ASXL1: variants seen among roughly 807,000 people sequenced by gnomAD.
The protein encoded by ASXL1 is polycomb group protein ASXL1.
Under a neutral mutation model 89.1 loss-of-function variants are expected in ASXL1, and 65 were observed. The observed-to-expected ratio is 0.73, with a 90% CI of 0.60 to 0.90. The LOEUF (loss-of-function observed/expected upper bound fraction) is 0.90, where lower values mean the gene tolerates loss of function less well. Among genes scored for constraint, ASXL1 ranks in the 40% least tolerant of loss-of-function variants. ASXL1 has a pLI of 0.00. For missense variants in ASXL1, 1,786 were observed against 1,942.9 expected, an observed-to-expected ratio of 0.92 and a Z score of 1.52; for synonymous variants, 739 against 746.9, an observed-to-expected ratio of 0.99 and a Z score of 0.17.
chr20:32,382,218 A>C (rs1600498164), intron 4 of ASXL1, among the ~76,000 whole-genome samples: 1 of 151,362 alleles, frequency 6.6e-6, no homozygotes, highest in South Asian at 2.1e-4. Flanking sequence ...CAGGTGATCC[A>C]CCCGCCTTGA....
At chr20:32,422,298 A>C (rs1235957520) in intron 4 of ASXL1, among the ~76,000 whole-genome samples, 1 of 151,266 alleles carries the variant, frequency 6.6e-6, no homozygotes, top group East Asian at 1.9e-4. Flanking sequence ...GGTACACCTA[A>C]GATCTGTGCA....
At chr20:32,384,833 C>CT (rs1181613857) in intron 4 of ASXL1, among the ~76,000 whole-genome samples, 5 of 152,008 alleles carry the variant, frequency 3.3e-5, no homozygotes, top group Admixed American at 3.3e-4. Context: ...AGGATGCTTA[C>CT]TTCAGAGGTG....
chr20:32,383,918 GGCATCTTTCCTCCATCCCAGA>G (rs1229344179), intron 4 of ASXL1, among the ~76,000 whole-genome samples: 1 of 152,116 alleles, frequency 6.6e-6, no homozygotes, highest in Non-Finnish European at 1.5e-5. Flanking sequence ...GATCTCCTAA[GGCATCTTTCCTCCATCCCAGA>G]GCTCTGTTGA....
chr20:32,379,360 T>TTTA (rs761874161), intron 4 of ASXL1, among the ~76,000 whole-genome samples: 42 of 63,936 alleles, frequency 6.6e-4, no homozygotes, highest in Middle Eastern at 6.3e-3. Context: ...AATTTATTTA[T>TTTA]TTATTATTAT....
intron 4 of ASXL1, among the ~76,000 whole-genome samples, chr20:32,376,493 C>A (rs2048380347): frequency 6.6e-6 from 1 of 151,846 alleles, no homozygotes; most frequent in Non-Finnish European, 1.5e-5. Flanking sequence ...CCAGGCTGGT[C>A]TTGAACTCCT....
At chr20:32,426,558 T>TTC (rs2011306664) in intron 4 of ASXL1, among the ~76,000 whole-genome samples, 1 of 81,466 alleles carries the variant, frequency 1.2e-5, no homozygotes, top group African/African-American at 4.5e-5. Context: ...TTCTTTCTTT[T>TTC]TTTTTTTTTT....
At position 32,434,561 on chromosome 20, in the gene ASXL1, A is replaced by G. The variant is rs1285568939; in HGVS notation, c.1849A>G (p.Ile617Val). 3 of 1,613,490 alleles carry G rather than the reference A, an allele frequency of 1.9e-6. No homozygotes were observed. The highest frequency in any genetic ancestry group is 1.3e-5 in the African/African-American group (1 of 74,910). Residue 617 changes from isoleucine (I) to valine (V), a missense_variant, in exon 13 of 13, where the codon ATT becomes GTT. Ile to Val is a conservative substitution (Grantham distance 29, BLOSUM62 3). Transcript: ENST00000375687. The stretch of plus-strand genomic sequence containing the variant: ...GACTGGCGCCAGGACCCTCGCAGAC[A>G]TTAAAGCCCGTGCTCTGCAGGTCCG... ...GWTGARTLAD[I>V]KARALQVRGA... is the part of the protein sequence containing the mutation.
chr20:32,358,979 A>G, intron 1 of ASXL1, 147 bp downstream of exon 1: 1 of 888,128 alleles, frequency 1.1e-6, no homozygotes, highest in Non-Finnish European at 1.7e-6. Context: ...ACAGCCCCGC[A>G]AGGCGAGGGG....
chr20:32,365,479 T>C (rs1230921899), intron 1 of ASXL1, among the ~76,000 whole-genome samples: 3 of 152,182 alleles, frequency 2.0e-5, no homozygotes, highest in African/African-American at 7.2e-5. Flanking sequence ...CAGACTTCTT[T>C]ATGTTTTGCT....
At position 32,435,405 on chromosome 20, in the gene ASXL1, G is replaced by A. The variant is rs2145371602; in HGVS notation, c.2693G>A (p.Trp898Ter). 6.2e-7 allele frequency: 1 copy of A among 1,614,076 alleles called. No homozygotes were observed. Among genetic ancestry groups the A allele is most frequent in the Non-Finnish European group, 8.5e-7 (1 of 1,180,010 alleles). ...KALVSNSSLH[W>*]IPIPSNDEVV... ...CTCGTTTCTAACAGTTCTTTGCATT[G>A]GATACCCATCCCATCGAATGATGAG... Residue 898 changes from tryptophan to a stop codon, truncating the protein, a stop_gained, in exon 13 of 13, where the codon TGG becomes TAG. Coordinates refer to ENST00000375687, the MANE Select transcript of ASXL1 (RefSeq NM_015338.6). LOFTEE classifies it low-confidence loss of function (END_TRUNC).
intron 4 of ASXL1, among the ~76,000 whole-genome samples, chr20:32,375,325 T>C (rs2122876777): frequency 6.6e-6 from 1 of 152,082 alleles, no homozygotes; most frequent in Non-Finnish European, 1.5e-5. Context: ...GGCGTGCACC[T>C]GTAATCCCAG....
Position 32,436,204 on chromosome 20 carries a change from A to T in ASXL1, c.3492A>T (p.Gly1164=), listed in dbSNP as rs1307387120. The T allele has an allele frequency of 6.2e-7, 1 of 1,614,236 alleles. No individual in the cohort carries two copies. The highest frequency in any genetic ancestry group is 1.1e-5 in the South Asian group (1 of 91,084). The change falls in exon 13 of 13, where the codon GGA becomes GGT. Residue 1164 remains glycine, a synonymous_variant. Coordinates refer to ENST00000375687, the MANE Select transcript of ASXL1 (RefSeq NM_015338.6). ...GLGKNSGMVD[G]SSPSSLRALK... ...GAAAAAACAGTGGCATGGTTGATGG[A>T]AGCAGCCCCAGTTCTTTAAGGGCTT...
chr20:32,434,666 G>A lies in ASXL1; in HGVS notation c.1954G>A (p.Gly652Ser), dbSNP rs3746609. The A allele has an allele frequency of 6.7e-3, 10,765 of 1,602,238 alleles. 401 individuals carry two copies. The East Asian group carries it at 0.091, about 14-fold the overall frequency. Reference sequence around the variant, plus strand: ...GGGGGGTGGCCCGGGTGGAGGTGGCGGCGGGGCCACCGATGAGGGAGGTGG... The same window carrying A: ...GGGGGGTGGCCCGGGTGGAGGTGGCAGCGGGGCCACCGATGAGGGAGGTGG... ...GGGGGPGGGG[G>S]GATDEGGGRG... Residue 652 changes from glycine to serine, a missense_variant, in exon 13 of 13, where the codon GGC becomes AGC. Gly to Ser is a moderately conservative substitution (Grantham distance 56). Transcript: ENST00000375687.
At chr20:32,431,930 A>G (rs1252715102) in intron 10 of ASXL1, among the ~76,000 whole-genome samples, 1 of 152,240 alleles carries the variant, frequency 6.6e-6, no homozygotes, top group East Asian at 1.9e-4. Flanking sequence ...TTTTATCATT[A>G]AAACTATAAA....
At position 32,389,829 on chromosome 20, in the gene ASXL1, A is replaced by G. The variant is rs897584176; in HGVS notation, c.252+20706A>G. Among the ~76,000 whole-genome samples, 9 of 152,200 alleles carry G rather than the reference A, an allele frequency of 5.9e-5. No homozygotes were observed. In the South Asian group the frequency reaches 1.7e-3, roughly 28 times the overall value. On this transcript the variant is annotated intron_variant, in intron 4 of 12. Coordinates refer to ENST00000375687, the MANE Select transcript of ASXL1 (RefSeq NM_015338.6). ...GTGATCCACCCACCTTGGCCTCCCC[A>G]AGTGTTGGGATTAGAGGTATGAGCC... is the stretch of plus-strand genomic sequence containing the variant.
At chr20:32,378,990 GGT>G (rs1486161416) in intron 4 of ASXL1, among the ~76,000 whole-genome samples, 1 of 151,378 alleles carries the variant, frequency 6.6e-6, no homozygotes, top group Non-Finnish European at 1.5e-5. Context: ...AACCTAGCCA[GGT>G]GTGGTGGTGA....
chr20:32,434,001 C>A (rs1261094649), intron 12 of ASXL1, 84 bp downstream of exon 12: 2 of 1,558,816 alleles, frequency 1.3e-6, no homozygotes, highest in African/African-American at 1.4e-5. Context: ...AACTCTGGGG[C>A]CCTGAAGTTA....
At chr20:32,380,387 C>T (rs929398001) in intron 4 of ASXL1, among the ~76,000 whole-genome samples, 2 of 152,140 alleles carry the variant, frequency 1.3e-5, no homozygotes, top group African/African-American at 4.8e-5. Flanking sequence ...GAGATAATTA[C>T]TTCATTTTTA....
At chr20:32,362,505 G>C (rs923593626) in intron 1 of ASXL1, among the ~76,000 whole-genome samples, 1 of 151,916 alleles carries the variant, frequency 6.6e-6, no homozygotes, top group Non-Finnish European at 1.5e-5. Flanking sequence ...GCGTGGTGGC[G>C]AGTGCCTGTA....
Sources: gnomAD v4.1 joint callset for allele counts (sites outside exome capture counted in the v4.1 genomes callset) on GRCh38, gnomAD v4.1.1 for gene constraint, MANE v1.5 for transcripts, NCBI Gene and HGNC (gene_info 2026-07-23, HGNC 2026-07-21) for gene names.